Variants in YBEY observed in about 807,000 individuals in gnomAD.
The protein encoded by YBEY is endoribonuclease YbeY.
In YBEY, 15 loss-of-function variants were observed where a neutral mutation model predicts 13.5. That is an observed-to-expected ratio of 1.11 (90% confidence interval 0.75 to 1.72). The LOEUF is 1.72. Ranked by LOEUF, YBEY falls within the 40% of genes most tolerant of loss-of-function variation. The pLI is 0.00. For missense variants in YBEY, 244 were observed against 208.4 expected (o/e 1.17, Z -1.05); for synonymous variants, 101 against 83.1 (o/e 1.21, Z -1.17).
intron 3 of YBEY, 122 bp from the exon 4 acceptor site, chr21:46,296,040 C>T (rs894742014): frequency 1.0e-6 from 1 of 963,174 alleles, no homozygotes; most frequent in African/African-American, 1.6e-5. Flanking sequence ...GCCCAGGGGT[C>T]TCACAGCAAC....
At chr21:46,306,429 G>A in the YBEY span, among the ~76,000 whole-genome samples, 4 of 152,040 alleles carry the variant, frequency 2.6e-5, no homozygotes, top group African/African-American at 4.8e-5. Context: ...AACCTAGGAG[G>A]CGGAGGTTGC....
rs143503711 is a variant in YBEY, at chr21:46,296,037, G to A, written c.340-125G>A. The A allele has an allele frequency of 5.0e-5, 44 of 888,886 alleles. No individual in the cohort carries two copies. In the East Asian group the frequency reaches 1.0e-3, roughly 21 times the overall value. The allele number at this position is 888,886 out of a possible 1,614,324, so 55.1% of individuals were successfully genotyped here. On this transcript the variant is annotated intron_variant, in intron 3 of 4. Transcript: ENST00000397701. ...TGAGTGCCTGTAATTCCTGCCCAGG[G>A]GTCTCACAGCAACCCTGGGGTCCTG...
Position 46,291,367 on chromosome 21 carries a change from T to A in YBEY, c.244T>A (p.Phe82Ile). ...AGCAGGTGAATTTCCCCAGCCTGATTTTCCAGATGACTACAATTTGGGAGA... is the reference window on the plus strand; with the variant it reads ...AGCAGGTGAATTTCCCCAGCCTGATATTCCAGATGACTACAATTTGGGAGA... ...LKAGEFPQPD[F>I]PDDYNLGDIF... The change falls in exon 3 of 5, where the codon TTT (phenylalanine) becomes ATT (isoleucine). Residue 82 changes from phenylalanine (F) to isoleucine (I), a missense_variant. Coordinates refer to ENST00000397701, the MANE Select transcript of YBEY (RefSeq NM_001314025.2). 6.2e-7 allele frequency: 1 copy of A among 1,614,120 alleles called. No homozygotes were observed. Among genetic ancestry groups the A allele is most frequent in the Non-Finnish European group, 8.5e-7 (1 of 1,180,010 alleles).
At chr21:46,291,191 C>G in intron 2 of YBEY, 143 bp from the exon 3 acceptor site, 1 of 1,079,554 alleles carries the variant, frequency 9.3e-7, no homozygotes, top group East Asian at 2.9e-5. Context: ...GAGTGAAACT[C>G]CGTCTCAAAA....
intron 3 of YBEY, chr21:46,291,924 G>A: frequency 1.8e-5 from 14 of 784,864 alleles, no homozygotes; most frequent in Non-Finnish European, 2.2e-5. Flanking sequence ...GTTTAACACA[G>A]AGCTAGCCAA....
At chr21:46,302,111 G>A, downstream of YBEY, 1 of 1,525,616 alleles carries the variant, frequency 6.6e-7, no homozygotes. Context: ...AGGCAGCCTT[G>A]GCCTGGCAGC....
At chr21:46,291,924 G>C in intron 3 of YBEY, 1 of 784,864 alleles carries the variant, frequency 1.3e-6, no homozygotes, top group Non-Finnish European at 1.6e-6. Flanking sequence ...GTTTAACACA[G>C]AGCTAGCCAA....
At position 46,286,950 on chromosome 21, in the gene YBEY, C is replaced by T; in HGVS notation, c.37C>T (p.Pro13Ser). ...GATTAGAAATCTGCAGCGAGTCATC[C>T]CCATCAGGAGAGCGCCACTTCGCAG... Reference protein sequence around the residue: ...LVIRNLQRVIPIRRAPLRSKI... With the variant: ...LVIRNLQRVISIRRAPLRSKI... Residue 13 changes from proline to serine, a missense_variant, in exon 2 of 5, where the codon CCC becomes TCC. Coordinates refer to ENST00000397701, the MANE Select transcript of YBEY (RefSeq NM_001314025.2). 1 of 1,613,952 alleles carries T rather than the reference C, an allele frequency of 6.2e-7. No individual in the cohort carries two copies. The highest frequency in any genetic ancestry group is 8.5e-7 in the Non-Finnish European group (1 of 1,179,988).
chr21:46,286,881 A>C lies in YBEY; in HGVS notation c.-33A>C. On this transcript the variant is annotated 5_prime_UTR_variant, in exon 2 of 5. Transcript: ENST00000397701. ...CACTTTAACCCCAGGTTCCGTTGCA[A>C]ACATTTTTAAAGGGCTGGTTATTCT... is the stretch of plus-strand genomic sequence containing the variant. 6.2e-7 allele frequency: 1 copy of C among 1,611,390 alleles called. No homozygotes were observed. The highest frequency in any genetic ancestry group is 1.1e-5 in the South Asian group (1 of 90,918).
the YBEY span, among the ~76,000 whole-genome samples, chr21:46,312,444 G>A: frequency 1.8e-4 from 28 of 152,134 alleles, no homozygotes; most frequent in South Asian, 4.1e-4. Flanking sequence ...TCAGCCTCCC[G>A]AGTAGCTGGG....
At chr21:46,301,082 TC>T, downstream of YBEY, 12 of 1,008,684 alleles carry the variant, frequency 1.2e-5, no homozygotes, top group Non-Finnish European at 1.4e-5. Context: ...ATTAGCACTC[TC>T]CCTTTTTTTT....
Position 46,286,864 on chromosome 21 carries a change from C to A in YBEY, c.-44-6C>A. On this transcript the variant is annotated splice_polypyrimidine_tract_variant and splice_region_variant and intron_variant, in intron 1 of 4. Transcript: ENST00000397701. ...TGATTGGTCTTCTCTTACACTTTAACCCCAGGTTCCGTTGCAAACATTTTT... is the reference window on the plus strand; with the variant it reads ...TGATTGGTCTTCTCTTACACTTTAAACCCAGGTTCCGTTGCAAACATTTTT... The A allele has an allele frequency of 6.3e-7, 1 of 1,585,472 alleles. No homozygotes were observed. Among genetic ancestry groups the A allele is most frequent in the South Asian group, 1.1e-5 (1 of 89,794 alleles).
At chr21:46,288,721 G>C (rs1316195571) in intron 2 of YBEY, among the ~76,000 whole-genome samples, 1 of 151,174 alleles carries the variant, frequency 6.6e-6, no homozygotes, top group Non-Finnish European at 1.5e-5. Context: ...GCTGAATCAC[G>C]TAAAAATGTA....
intron 4 of YBEY, 95 bp downstream of exon 4, chr21:46,296,325 C>T (rs1454477173): frequency 6.4e-6 from 9 of 1,413,716 alleles, no homozygotes; most frequent in Non-Finnish European, 8.9e-6. Context: ...CTTGACCGCC[C>T]CCGCAGGAAC....
chr21:46,296,948 A>T (rs956715723), intron 4 of YBEY, among the ~76,000 whole-genome samples: 1 of 145,892 alleles, frequency 6.9e-6, no homozygotes, highest in Non-Finnish European at 1.5e-5. Flanking sequence ...TAGCCGAGAG[A>T]TCGCGTCATT....
intron 4 of YBEY, among the ~76,000 whole-genome samples, chr21:46,296,571 C>T (rs1487364321): frequency 1.3e-5 from 2 of 152,180 alleles, no homozygotes; most frequent in South Asian, 2.1e-4. Flanking sequence ...GGGTTGGTTT[C>T]CTCCAGACCC....
In YBEY at chr21:46,286,960, G is replaced by A. The variant is rs2081461606; in HGVS notation, c.47G>A (p.Arg16Lys). The change falls in exon 2 of 5, where the codon AGA becomes AAA. Residue 16 changes from arginine to lysine, a missense_variant. Transcript: ENST00000397701. Reference sequence around the variant, plus strand: ...CTGCAGCGAGTCATCCCCATCAGGAGAGCGCCACTTCGCAGTAAGATCGAG... The same window carrying A: ...CTGCAGCGAGTCATCCCCATCAGGAAAGCGCCACTTCGCAGTAAGATCGAG... ...RNLQRVIPIR[R>K]APLRSKIEIV... 6.2e-7 allele frequency: 1 copy of A among 1,613,996 alleles called. No homozygotes were observed. Among genetic ancestry groups the A allele is most frequent in the African/African-American group, 1.3e-5 (1 of 74,894 alleles).
intron 3 of YBEY, chr21:46,291,997 A>G (rs1464163321): frequency 2.5e-5 from 9 of 357,314 alleles, no homozygotes; most frequent in African/African-American, 6.6e-5. Context: ...TACAGTTTCT[A>G]CAGGCAATTT....
At chr21:46,302,360 C>CA, downstream of YBEY, 1 of 1,084,042 alleles carries the variant, frequency 9.2e-7, no homozygotes, top group Non-Finnish European at 1.3e-6. Context: ...GGGGGCTTCA[C>CA]AGCCAGACTG....
Sources: gnomAD v4.1 joint callset for allele counts (sites outside exome capture counted in the v4.1 genomes callset) on GRCh38, gnomAD v4.1.1 for gene constraint, MANE v1.5 for transcripts, NCBI Gene and HGNC (gene_info 2026-07-23, HGNC 2026-07-21) for gene names.